Variants in NSUN6 observed in about 807,000 individuals in gnomAD.
NSUN6 encodes the protein tRNA (cytosine(72)-C(5))-methyltransferase NSUN6.
A neutral mutation model predicts 58.0 loss-of-function variants in NSUN6; 64 were observed. The observed-to-expected ratio is 1.10, with a 90% CI of 0.90 to 1.36. The LOEUF is 1.36. Among genes scored for constraint, NSUN6 ranks in the 40% most tolerant of loss-of-function variants. NSUN6 has a pLI of 0.00. For synonymous variants in NSUN6, 231 were observed against 193.9 expected (o/e 1.19, Z -1.59); for missense variants, 701 against 550.1 (o/e 1.27, Z -2.74).
At chr10:18,562,521 A>G (rs1021544410) in intron 8 of NSUN6, among the ~76,000 whole-genome samples, 1 of 150,938 alleles carries the variant, frequency 6.6e-6, no homozygotes, top group African/African-American at 2.4e-5. Context: ...GGAGAATGGA[A>G]TAGAATGGAA....
chr10:18,598,517 G>A (rs919702558), intron 6 of NSUN6, among the ~76,000 whole-genome samples: 1 of 152,182 alleles, frequency 6.6e-6, no homozygotes, highest in Admixed American at 6.5e-5. Flanking sequence ...TGTCACCTAG[G>A]TTGCAGTGCA....
chr10:18,567,506 A>T, intron 8 of NSUN6, among the ~76,000 whole-genome samples: 1 of 145,660 alleles, frequency 6.9e-6, no homozygotes, highest in African/African-American at 2.5e-5. Context: ...TCTCCATTCC[A>T]TTCTATTCAC....
intron 8 of NSUN6, among the ~76,000 whole-genome samples, chr10:18,564,607 A>G (rs2055783628): frequency 6.8e-6 from 1 of 146,670 alleles, no homozygotes; most frequent in Non-Finnish European, 1.5e-5. Context: ...ATTCCGTACC[A>G]TTCTCCATTC....
intron 3 of NSUN6, among the ~76,000 whole-genome samples, chr10:18,635,559 G>A (rs1422848665): frequency 6.6e-6 from 1 of 152,162 alleles, no homozygotes; most frequent in Non-Finnish European, 1.5e-5. Flanking sequence ...GAAATAGGCT[G>A]AGTGTGGTGG....
At chr10:18,614,411 T>C (rs751542865) in intron 5 of NSUN6, 49 bp downstream of exon 5, 34 of 1,170,496 alleles carry the variant, frequency 2.9e-5, no homozygotes, top group East Asian at 2.8e-5. Context: ...TTAATTTTCA[T>C]TGACCCACAA....
chr10:18,598,322 A>G, intron 6 of NSUN6, among the ~76,000 whole-genome samples: 1 of 152,220 alleles, frequency 6.6e-6, no homozygotes, highest in East Asian at 1.9e-4. Flanking sequence ...GCCTGCACCC[A>G]GGTGAAATAA....
At chr10:18,578,831 G>A (rs189890647) in intron 8 of NSUN6, among the ~76,000 whole-genome samples, 27 of 152,216 alleles carry the variant, frequency 1.8e-4, no homozygotes, top group Admixed American at 4.6e-4. Flanking sequence ...GTACCATGAC[G>A]AAGAAACTAT....
intron 6 of NSUN6, among the ~76,000 whole-genome samples, chr10:18,602,116 T>C (rs1485526389): frequency 6.6e-6 from 1 of 151,738 alleles, no homozygotes. Context: ...CAGGCTGGAA[T>C]GCAGTGGCGC....
chr10:18,594,440 TG>T (rs752500841), intron 7 of NSUN6, among the ~76,000 whole-genome samples: 9 of 144,708 alleles, frequency 6.2e-5, no homozygotes, highest in South Asian at 4.3e-4. Context: ...TGTTTTTTTT[TG>T]TTGTTGTTGT....
At chr10:18,584,704 T>C (rs1026569552) in intron 8 of NSUN6, among the ~76,000 whole-genome samples, 4 of 151,896 alleles carry the variant, frequency 2.6e-5, no homozygotes. Flanking sequence ...GGTGGACAAA[T>C]GCAAAAAGAT....
At chr10:18,636,439 T>A (rs2059217212) in intron 3 of NSUN6, among the ~76,000 whole-genome samples, 1 of 149,642 alleles carries the variant, frequency 6.7e-6, no homozygotes. Flanking sequence ...GGAGGGTGGA[T>A]CACTTGAGCT....
At chr10:18,555,566 A>T (rs1408549907) in intron 8 of NSUN6, among the ~76,000 whole-genome samples, 2 of 151,732 alleles carry the variant, frequency 1.3e-5, no homozygotes, top group Admixed American at 1.3e-4. Context: ...AGAGAATGGA[A>T]TGGAATGGAG....
chr10:18,617,721 A>G (rs778327517), intron 3 of NSUN6, among the ~76,000 whole-genome samples: 31 of 152,038 alleles, frequency 2.0e-4, no homozygotes, highest in African/African-American at 7.0e-4. Context: ...GTGTCCCCCA[A>G]TATTCATGTG....
At chr10:18,641,680 C>G (rs537129717) in intron 3 of NSUN6, among the ~76,000 whole-genome samples, 138 of 152,266 alleles carry the variant, frequency 9.1e-4, no homozygotes, top group South Asian at 5.2e-3. Context: ...AGCCTGAAAC[C>G]TATTTTTCAA....
At chr10:18,567,921 TTCCATTCCATTC>T (rs1050025673) in intron 8 of NSUN6, among the ~76,000 whole-genome samples, 7 of 150,258 alleles carry the variant, frequency 4.7e-5, no homozygotes, top group Admixed American at 1.3e-4. Context: ...CCATTCCATT[TTCCATTCCATTC>T]TCCATTCCAT....
intron 8 of NSUN6, among the ~76,000 whole-genome samples, chr10:18,558,619 G>A (rs184828980): frequency 1.0e-4 from 15 of 150,662 alleles, no homozygotes; most frequent in East Asian, 9.8e-4. Flanking sequence ...ACAGAATGGC[G>A]TGGAGAATGG....
chr10:18,573,334 A>C (rs1202748114), intron 8 of NSUN6, among the ~76,000 whole-genome samples: 3 of 143,510 alleles, frequency 2.1e-5, no homozygotes, highest in African/African-American at 5.2e-5. Flanking sequence ...CCATTCCATT[A>C]CCCATTCCTT....
intron 8 of NSUN6, among the ~76,000 whole-genome samples, chr10:18,562,860 T>G (rs1161064357): frequency 7.2e-6 from 1 of 139,608 alleles, no homozygotes; most frequent in African/African-American, 2.7e-5. Context: ...GAGATTCTTA[T>G]GAATGGAATA....
Position 18,651,587 on chromosome 10 carries a change from C to T in NSUN6, c.-384G>A, listed in dbSNP as rs975226063. On this transcript the variant is annotated 5_prime_UTR_variant, in exon 1 of 11. Coordinates refer to ENST00000377304, the MANE Select transcript of NSUN6 (RefSeq NM_182543.5). The stretch of plus-strand genomic sequence containing the variant: ...AGCTCGGTCCCTTTATCTTTTCTAT[C>T]AATTTCCAAACACGCGCCCCCTATT... 6 of 990,658 alleles carry T rather than the reference C, an allele frequency of 6.1e-6. No homozygotes were observed. The African/African-American group carries it at 1.0e-4, about 17-fold the overall frequency. 61.4% of individuals were successfully genotyped at this position (990,658 alleles called of 1,614,324 possible).
Sources: allele counts gnomAD v4.1 joint callset (sites outside exome capture counted in the v4.1 genomes callset), GRCh38; gene constraint gnomAD v4.1.1; transcripts MANE v1.5; gene names NCBI Gene and HGNC (gene_info 2026-07-23, HGNC 2026-07-21).